The following SLC35F4 variants were observed in gnomAD, a reference collection of about 807,000 sequenced individuals.
The protein encoded by SLC35F4 is solute carrier family 35 member F4, also known as chromosome 14 open reading frame 36.
A neutral mutation model predicts 44.2 loss-of-function variants in SLC35F4; 24 were observed. The observed-to-expected ratio is 0.54, with a 90% CI of 0.39 to 0.76. The LOEUF (loss-of-function observed/expected upper bound fraction) is 0.76, where lower values mean the gene tolerates loss of function less well. Ranked by LOEUF, SLC35F4 falls within the 30% of genes least tolerant of loss-of-function variation. The pLI is 0.00. For missense variants in SLC35F4, 562 were observed against 586.1 expected, an observed-to-expected ratio of 0.96 and a Z score of 0.42; for synonymous variants, 238 against 223.6, an observed-to-expected ratio of 1.06 and a Z score of -0.57.
chr14:57,935,876 T>A (rs530722726), intron 1 of SLC35F4, among the ~76,000 whole-genome samples: 56 of 152,364 alleles, frequency 3.7e-4, no homozygotes, highest in African/African-American at 1.1e-3. Context: ...TTGAAAGTAA[T>A]GGTATTAAAG....
At chr14:57,606,198 A>G (rs2071155036) in intron 1 of SLC35F4, among the ~76,000 whole-genome samples, 3 of 152,340 alleles carry the variant, frequency 2.0e-5, no homozygotes, top group Middle Eastern at 3.4e-3. Context: ...TCTATAGTTT[A>G]GCTATTCTCA....
chr14:57,840,733 A>G (rs1885401909), intron 1 of SLC35F4, among the ~76,000 whole-genome samples: 2 of 152,170 alleles, frequency 1.3e-5, no homozygotes, highest in South Asian at 2.1e-4. Flanking sequence ...ATATTTCTCA[A>G]TACACTGCTA....
intron 1 of SLC35F4, among the ~76,000 whole-genome samples, chr14:57,702,959 G>GT (rs1319510412): frequency 6.6e-6 from 1 of 152,056 alleles, no homozygotes; most frequent in East Asian, 1.9e-4. Context: ...CATTGTCTTT[G>GT]TTTTTAAAAA....
At chr14:57,868,834 A>G (rs1888237276), upstream of SLC35F4, among the ~76,000 whole-genome samples, 1 of 152,156 alleles carries the variant, frequency 6.6e-6, no homozygotes, top group African/African-American at 2.4e-5. Flanking sequence ...AAACCCAAAT[A>G]TTCAAATTTA....
intron 1 of SLC35F4, among the ~76,000 whole-genome samples, chr14:57,790,150 T>A (rs1237856236): frequency 2.0e-5 from 3 of 152,100 alleles, no homozygotes; most frequent in African/African-American, 7.2e-5. Context: ...GCCAGGGCAA[T>A]CAGGCAAGAG....
chr14:57,659,977 C>T (rs1332429135), intron 1 of SLC35F4, among the ~76,000 whole-genome samples: 1 of 152,102 alleles, frequency 6.6e-6, no homozygotes, highest in African/African-American at 2.4e-5. Flanking sequence ...AATTAGTACC[C>T]ACCAATTCAA....
chr14:57,704,215 T>C (rs2075612749), intron 1 of SLC35F4, among the ~76,000 whole-genome samples: 1 of 152,192 alleles, frequency 6.6e-6, no homozygotes, highest in South Asian at 2.1e-4. Context: ...TGGAAGCAAG[T>C]TTGGCCTCTG....
Position 57,593,943 on chromosome 14 carries a change from T to C in SLC35F4, c.285A>G (p.Arg95=). The change falls in exon 2 of 8, where the codon AGA becomes AGG. Residue 95 remains arginine (R), a synonymous_variant. Coordinates refer to ENST00000556826, the MANE Select transcript of SLC35F4 (RefSeq NM_001306087.2). The part of the protein sequence containing the change: ...VCGHRVERQN[R]SADDGTQTHS... ...AAGAGGAGGTCACCCACATACCTGATCTGTTCTGTCTCTCAACTCTGTGTC... is the reference window on the plus strand; with the variant it reads ...AAGAGGAGGTCACCCACATACCTGACCTGTTCTGTCTCTCAACTCTGTGTC... 1 of 1,613,756 alleles carries C rather than the reference T, an allele frequency of 6.2e-7. No homozygotes were observed. Among genetic ancestry groups the C allele is most frequent in the Non-Finnish European group, 8.5e-7 (1 of 1,179,824 alleles).
chr14:57,927,168 C>G (rs1279263066), intron 1 of SLC35F4, among the ~76,000 whole-genome samples: 1 of 152,220 alleles, frequency 6.6e-6, no homozygotes, highest in Non-Finnish European at 1.5e-5. Context: ...GTTTGCCAAT[C>G]TGCAAGCTGT....
At chr14:57,979,852 T>C (rs1028458) in intron 1 of SLC35F4, among the ~76,000 whole-genome samples, 56,316 of 152,074 alleles carry the variant, frequency 0.37, 11,118 homozygotes, top group African/African-American at 0.52. Flanking sequence ...GTGCGTATCT[T>C]TCCCCAACTC....
chr14:57,838,755 C>G (rs925463048), intron 1 of SLC35F4, among the ~76,000 whole-genome samples: 1 of 152,040 alleles, frequency 6.6e-6, no homozygotes, highest in Non-Finnish European at 1.5e-5. Context: ...TAAGAATGAT[C>G]ACTTTACATT....
At chr14:57,956,638 A>G (rs1890244040) in intron 1 of SLC35F4, among the ~76,000 whole-genome samples, 1 of 152,258 alleles carries the variant, frequency 6.6e-6, no homozygotes, top group South Asian at 2.1e-4. Context: ...AAGGATAATA[A>G]CAGACACTTC....
rs539988812 is a variant in SLC35F4 at position 57,600,648 on chromosome 14, C to G, written c.104-6524G>C. On this transcript the variant is annotated intron_variant, in intron 1 of 7. Transcript: ENST00000556826. ...CGGAGCTTGCAGTGAGCCGAGATCC[C>G]GCCACTGCACTCCAGCCTGGGCGAC... Among the ~76,000 whole-genome samples, 5 of 130,404 alleles carry G rather than the reference C, an allele frequency of 3.8e-5. No individual in the cohort carries two copies. The South Asian group carries it at 1.3e-3, about 35-fold the overall frequency. The allele number at this position is 130,404 out of a possible 152,430, so 85.6% of individuals were successfully genotyped here.
chr14:57,823,449 A>T (rs1292719357), intron 1 of SLC35F4, among the ~76,000 whole-genome samples: 1 of 152,232 alleles, frequency 6.6e-6, no homozygotes, highest in African/African-American at 2.4e-5. Flanking sequence ...CAGGGTTAGT[A>T]TTACAACATA....
At chr14:57,873,973 G>A (rs1416429532) in intron 1 of SLC35F4, among the ~76,000 whole-genome samples, 2 of 152,128 alleles carry the variant, frequency 1.3e-5, no homozygotes, top group East Asian at 3.8e-4. Context: ...ATGACAACAA[G>A]CACATAAAAA....
At chr14:57,936,287 G>T (rs1162064356) in intron 1 of SLC35F4, among the ~76,000 whole-genome samples, 1 of 152,172 alleles carries the variant, frequency 6.6e-6, no homozygotes, top group Non-Finnish European at 1.5e-5. Flanking sequence ...ATACAAAAAG[G>T]ATAAGCCTAC....
At chr14:57,849,280 GC>G (rs1886327136) in intron 1 of SLC35F4, among the ~76,000 whole-genome samples, 1 of 152,186 alleles carries the variant, frequency 6.6e-6, no homozygotes, top group Non-Finnish European at 1.5e-5. Context: ...TGCTGCCTCA[GC>G]CCCCATAGTA....
intron 1 of SLC35F4, among the ~76,000 whole-genome samples, chr14:57,642,207 A>G (rs1410846977): frequency 6.6e-6 from 1 of 151,892 alleles, no homozygotes; most frequent in Non-Finnish European, 1.5e-5. Context: ...ACAAACTCCT[A>G]ATTAACCGTG....
chr14:57,773,916 T>G (rs549487562), intron 1 of SLC35F4, among the ~76,000 whole-genome samples: 25 of 152,322 alleles, frequency 1.6e-4, no homozygotes, highest in Admixed American at 4.6e-4. Context: ...TCCCAGACCT[T>G]GCCTTCCTTT....
Sources: allele counts gnomAD v4.1 joint callset (sites outside exome capture counted in the v4.1 genomes callset), GRCh38; gene constraint gnomAD v4.1.1; transcripts MANE v1.5; gene names NCBI Gene and HGNC (gene_info 2026-07-23, HGNC 2026-07-21).